Variants in NR2C2 observed in about 807,000 individuals in gnomAD.
NR2C2 encodes Nuclear hormone receptor TR4.
Under a neutral mutation model 62.9 loss-of-function variants are expected in NR2C2, and 6 were observed. That is an observed-to-expected ratio of 0.10 (90% CI 0.05 to 0.19). The LOEUF (loss-of-function observed/expected upper bound fraction) is 0.19, where lower values mean the gene tolerates loss of function less well. NR2C2 is among the 10% of genes least tolerant of loss of function. The pLI is 1.00. For synonymous variants in NR2C2, 272 were observed against 273.8 expected, an observed-to-expected ratio of 0.99 and a Z score of 0.07; for missense variants, 479 against 762.7, an observed-to-expected ratio of 0.63 and a Z score of 4.38.
intron 1 of NR2C2, among the ~76,000 whole-genome samples, chr3:14,973,008 G>A (rs1050369363): frequency 1.3e-5 from 2 of 152,314 alleles, no homozygotes; most frequent in Admixed American, 6.5e-5. Context: ...TTTGACATGA[G>A]ATTGGTTGGG....
intron 5 of NR2C2, among the ~76,000 whole-genome samples, chr3:15,022,489 C>T (rs1224802054): frequency 7.4e-5 from 11 of 149,194 alleles, no homozygotes; most frequent in African/African-American, 2.7e-4. Flanking sequence ...ACTGCAGCCT[C>T]CGCCTCCCAG....
intron 2 of NR2C2, among the ~76,000 whole-genome samples, chr3:15,005,681 C>T (rs2041154087): frequency 6.6e-6 from 1 of 151,998 alleles, no homozygotes; most frequent in African/African-American, 2.4e-5. Context: ...CAAATGTGCA[C>T]CACTGTCAGC....
intron 2 of NR2C2, chr3:15,004,529 TTCACTTATGGGAAGTTGTCTTC>T: frequency 6.3e-7 from 1 of 1,595,570 alleles, no homozygotes; most frequent in Non-Finnish European, 8.5e-7. Flanking sequence ...CTAATCGATA[TTCACTTATGGGAAGTTGTCTTC>T]CCTAGGGCTC....
In NR2C2 at chr3:14,962,203, T is replaced by A. The variant is rs569166970; in HGVS notation, c.-40+14297T>A. Among the ~76,000 whole-genome samples the A allele has an allele frequency of 6.1e-4, 93 of 152,344 alleles. 1 individual carries two copies. The highest frequency in any genetic ancestry group is 1.0e-3 in the South Asian group (5 of 4,824). ...TATTTGTCAGTGGAAGTTTCTAAATTGAAATGTTTCTACAAATTAATTTTG... is the reference window on the plus strand; with the variant it reads ...TATTTGTCAGTGGAAGTTTCTAAATAGAAATGTTTCTACAAATTAATTTTG... On this transcript the variant is annotated intron_variant, in intron 1 of 13. Coordinates refer to ENST00000425241, the MANE Select transcript of NR2C2 (RefSeq NM_001291694.2).
intron 1 of NR2C2, among the ~76,000 whole-genome samples, chr3:14,997,690 C>G (rs2040870236): frequency 6.6e-6 from 1 of 151,910 alleles, no homozygotes; most frequent in African/African-American, 2.4e-5. Flanking sequence ...ATTCTGTTGA[C>G]TTCATTGTAG....
chr3:14,977,793 C>T (rs991994016), intron 1 of NR2C2, among the ~76,000 whole-genome samples: 7 of 151,868 alleles, frequency 4.6e-5, no homozygotes, highest in South Asian at 4.2e-4. Flanking sequence ...GGCGAAACCC[C>T]GTCTCTACTA....
At chr3:15,029,917 GGAAA>G (rs1301324329) in intron 8 of NR2C2, among the ~76,000 whole-genome samples, 3 of 145,120 alleles carry the variant, frequency 2.1e-5, no homozygotes, top group Admixed American at 7.0e-5. Flanking sequence ...AAGGAAGGAA[GGAAA>G]GAGAGAAAAG....
Position 15,016,337 on chromosome 3 carries a change from TA to T in NR2C2, c.376+84del, listed in dbSNP as rs2041511111. On this transcript the variant is annotated intron_variant, in intron 4 of 13. Coordinates refer to ENST00000425241, the MANE Select transcript of NR2C2 (RefSeq NM_001291694.2). ...TTGTGAGGTGGGGTGGTAGTTAATT[TA>T]GAAGGACCATTTTATGTACGTTTGT... 1.6e-5 allele frequency: 15 copies of T among 929,108 alleles called. No individual in the cohort carries two copies. In the South Asian group the frequency reaches 2.2e-4, roughly 13 times the overall value. The allele number at this position is 929,108 out of a possible 1,614,324, so 57.6% of individuals were successfully genotyped here.
intron 2 of NR2C2, chr3:15,004,561 C>G (rs369636058): frequency 3.9e-5 from 63 of 1,612,084 alleles, no homozygotes; most frequent in Admixed American, 5.0e-5. Flanking sequence ...CCCTAGGGCT[C>G]TGAACCTGCC....
At chr3:15,034,983 G>A (rs532175683) in intron 11 of NR2C2, among the ~76,000 whole-genome samples, 174 bp downstream of exon 11, 2 of 152,236 alleles carry the variant, frequency 1.3e-5, no homozygotes. Context: ...GCTGAGAGAA[G>A]TTTGACTGTT....
intron 8 of NR2C2, 124 bp from the exon 9 acceptor site, chr3:15,030,151 C>A: frequency 1.2e-6 from 1 of 834,238 alleles, no homozygotes; most frequent in Non-Finnish European, 1.8e-6. Flanking sequence ...ATAGTGAAAC[C>A]CCATCTCTAC....
chr3:14,995,710 T>G (rs2040814327), intron 1 of NR2C2, among the ~76,000 whole-genome samples: 1 of 142,890 alleles, frequency 7.0e-6, no homozygotes. Flanking sequence ...AGAGTGGAAT[T>G]GCTGGTCAAA....
At chr3:14,961,699 T>A (rs990983497) in intron 1 of NR2C2, among the ~76,000 whole-genome samples, 2 of 152,238 alleles carry the variant, frequency 1.3e-5, no homozygotes, top group African/African-American at 4.8e-5. Context: ...CTCTTTGATC[T>A]TTAGGTGATC....
intron 1 of NR2C2, chr3:14,948,756 G>C (rs556197877): frequency 6.6e-6 from 1 of 152,284 alleles, no homozygotes; most frequent in Admixed American, 6.5e-5. Context: ...TCCACGATGC[G>C]CTCTCGTGGG....
At chr3:14,987,951 T>A (rs974754161) in intron 1 of NR2C2, among the ~76,000 whole-genome samples, 1 of 152,218 alleles carries the variant, frequency 6.6e-6, no homozygotes, top group Non-Finnish European at 1.5e-5. Context: ...TGATCATTAT[T>A]TTTCTGTATC....
At chr3:15,032,608 CTCAT>C (rs1204877017) in intron 10 of NR2C2, 108 bp downstream of exon 10, 1 of 1,360,490 alleles carries the variant, frequency 7.4e-7, no homozygotes, top group East Asian at 2.3e-5. Context: ...TTTCTATGAC[CTCAT>C]TCAAAGGACC....
chr3:14,951,405 T>C (rs2039351269), intron 1 of NR2C2, among the ~76,000 whole-genome samples: 2 of 152,222 alleles, frequency 1.3e-5, no homozygotes, highest in South Asian at 4.1e-4. Context: ...AATAAAACAT[T>C]TGTATTAACT....
intron 1 of NR2C2, among the ~76,000 whole-genome samples, chr3:14,992,443 G>A (rs186755309): frequency 1.9e-3 from 285 of 152,278 alleles, no homozygotes; most frequent in African/African-American, 6.4e-3. Context: ...CAGGATCAAA[G>A]GCTTAAGACA....
intron 1 of NR2C2, among the ~76,000 whole-genome samples, chr3:14,973,218 T>C (rs2040101457): frequency 6.6e-6 from 1 of 152,182 alleles, no homozygotes; most frequent in Non-Finnish European, 1.5e-5. Flanking sequence ...TCCAATGTCA[T>C]GAAGATTTTC....
Sources: gnomAD v4.1 joint callset for allele counts (sites outside exome capture counted in the v4.1 genomes callset) on GRCh38, gnomAD v4.1.1 for gene constraint, MANE v1.5 for transcripts, NCBI Gene and HGNC (gene_info 2026-07-23, HGNC 2026-07-21) for gene names.